The following KIF26B variants were observed in gnomAD, a reference collection of about 807,000 sequenced individuals.
KIF26B encodes kinesin family member 26B.
Under a neutral mutation model 151.2 loss-of-function variants are expected in KIF26B, and 63 were observed. The observed-to-expected ratio is 0.42, with a 90% confidence interval of 0.34 to 0.51. KIF26B has a LOEUF of 0.51. Among genes scored for constraint, KIF26B ranks in the 20% least tolerant of loss-of-function variants. KIF26B has a pLI of 0.07. For synonymous variants in KIF26B, 1,357 were observed against 1,262.1 expected, an observed-to-expected ratio of 1.08 and a Z score of -1.59; for missense variants, 2,813 against 2,913.6, an observed-to-expected ratio of 0.97 and a Z score of 0.79.
At chr1:245,197,162 T>C (rs969274288) in intron 2 of KIF26B, among the ~76,000 whole-genome samples, 1 of 152,320 alleles carries the variant, frequency 6.6e-6, no homozygotes, top group East Asian at 1.9e-4. Flanking sequence ...ATAACAACCT[T>C]CCACACTCAA....
chr1:245,268,082 G>A (rs1471923782), intron 2 of KIF26B, among the ~76,000 whole-genome samples: 1 of 152,138 alleles, frequency 6.6e-6, no homozygotes, highest in Admixed American at 6.5e-5. Flanking sequence ...GGGGGTGGAA[G>A]GATCACGTGA....
chr1:245,342,631 T>C (rs1672358140), intron 2 of KIF26B, among the ~76,000 whole-genome samples: 1 of 152,160 alleles, frequency 6.6e-6, no homozygotes, highest in Admixed American at 6.5e-5. Context: ...TGCTACAATT[T>C]CTGAGCAATC....
chr1:245,269,637 G>A (rs952117534), intron 2 of KIF26B, among the ~76,000 whole-genome samples: 2 of 151,738 alleles, frequency 1.3e-5, no homozygotes, highest in African/African-American at 4.8e-5. Context: ...GCTAATTTTT[G>A]TATTTTTAGT....
intron 2 of KIF26B, among the ~76,000 whole-genome samples, chr1:245,345,501 C>T (rs1316231576): frequency 4.6e-5 from 7 of 152,196 alleles, no homozygotes; most frequent in Non-Finnish European, 1.0e-4. Context: ...AAATTCCCCA[C>T]ACCCTCAGCG....
intron 2 of KIF26B, among the ~76,000 whole-genome samples, chr1:245,359,193 A>AT (rs1388787103): frequency 6.6e-6 from 1 of 151,812 alleles, no homozygotes; most frequent in African/African-American, 2.4e-5. Flanking sequence ...TAATTTTTGT[A>AT]TTTTTAGTAG....
chr1:245,575,155 G>T (rs146891210), intron 5 of KIF26B, among the ~76,000 whole-genome samples: 38 of 149,480 alleles, frequency 2.5e-4, no homozygotes, highest in African/African-American at 9.1e-4. Flanking sequence ...TCAAGCCACC[G>T]CGCCTGGCCT....
intron 2 of KIF26B, among the ~76,000 whole-genome samples, chr1:245,344,058 T>TTCCCTCCTTCCTCCCTGCCTCGCTGCC (rs1672389087): frequency 6.6e-6 from 1 of 151,124 alleles, no homozygotes; most frequent in Non-Finnish European, 1.5e-5. Context: ...TTTTCCTTCC[T>TTCCCTCCTTCCTCCCTGCCTCGCTGCC]TCCCTCCTTC....
At chr1:245,498,235 A>G (rs1182309845) in intron 4 of KIF26B, among the ~76,000 whole-genome samples, 1 of 152,090 alleles carries the variant, frequency 6.6e-6, no homozygotes, top group African/African-American at 2.4e-5. Context: ...TTTTAACCCA[A>G]TTTGCTTTAG....
intron 3 of KIF26B, among the ~76,000 whole-genome samples, chr1:245,399,434 C>A (rs1170128373): frequency 6.6e-6 from 1 of 152,170 alleles, no homozygotes; most frequent in Non-Finnish European, 1.5e-5. Context: ...TGATTTAAAT[C>A]ATACAAAAAC....
At chr1:245,294,373 C>T (rs1410783306) in intron 2 of KIF26B, among the ~76,000 whole-genome samples, 1 of 152,212 alleles carries the variant, frequency 6.6e-6, no homozygotes, top group African/African-American at 2.4e-5. Context: ...TTCCTCTGCG[C>T]AGTCCCATCT....
At chr1:245,173,987 G>A in intron 2 of KIF26B, among the ~76,000 whole-genome samples, 1 of 152,200 alleles carries the variant, frequency 6.6e-6, no homozygotes, top group East Asian at 1.9e-4. Context: ...TCATCACTAA[G>A]TAAACACATT....
intron 2 of KIF26B, among the ~76,000 whole-genome samples, chr1:245,320,409 C>G (rs1280070002): frequency 1.3e-5 from 2 of 152,224 alleles, no homozygotes; most frequent in Admixed American, 1.3e-4. Context: ...TCAGTTTCCC[C>G]TGTTATTAGC....
rs1273428094 is a variant in KIF26B at position 245,227,039 on chromosome 1, G to A, written c.465+70356G>A. Among the ~76,000 whole-genome samples, 1 of 152,080 alleles carries A rather than the reference G, an allele frequency of 6.6e-6. No individual in the cohort carries two copies. Among genetic ancestry groups the A allele is most frequent in the Non-Finnish European group, 1.5e-5 (1 of 68,028 alleles). On this transcript the variant is annotated intron_variant, in intron 2 of 14. Transcript: ENST00000407071. This position sits in a 1 kb window ranked among gnomAD's most constrained non-coding sequence, Gnocchi z 4.1. The stretch of plus-strand genomic sequence containing the variant: ...GCAGCTTGTTTCGAATGACCCACAG[G>A]GAATGGTGCACCATTCACTCAGTCC...
chr1:245,494,802 G>A (rs927535302), intron 4 of KIF26B, among the ~76,000 whole-genome samples: 6 of 152,092 alleles, frequency 3.9e-5, no homozygotes, highest in Non-Finnish European at 7.4e-5. Flanking sequence ...CATTTTGGGA[G>A]GCTGAGTTGG....
At chr1:245,574,213 G>A (rs755010713) in intron 5 of KIF26B, among the ~76,000 whole-genome samples, 10 of 152,078 alleles carry the variant, frequency 6.6e-5, no homozygotes, top group Admixed American at 3.9e-4. Flanking sequence ...GCGTGATCTC[G>A]GCTCACTGCA....
chr1:245,585,575 A>G (rs535970592), intron 5 of KIF26B, among the ~76,000 whole-genome samples: 9 of 152,102 alleles, frequency 5.9e-5, no homozygotes, highest in Admixed American at 5.2e-4. Context: ...CTCCCTAGCT[A>G]CCTCCAGTAT....
chr1:245,507,004 C>T (rs1474177995), intron 4 of KIF26B, among the ~76,000 whole-genome samples: 3 of 152,162 alleles, frequency 2.0e-5, no homozygotes, highest in Non-Finnish European at 4.4e-5. Flanking sequence ...ATAAGACCCT[C>T]AGTATTGGTC....
At chr1:245,481,348 A>G (rs1372572943) in intron 4 of KIF26B, among the ~76,000 whole-genome samples, 1 of 151,868 alleles carries the variant, frequency 6.6e-6, no homozygotes, top group African/African-American at 2.4e-5. Flanking sequence ...GTTTCAGTCA[A>G]TCTGTCTAGA....
In KIF26B at chr1:245,560,308, C is replaced by T. The variant is rs984276427; in HGVS notation, c.1350+19358C>T. Among the ~76,000 whole-genome samples the T allele has an allele frequency of 2.0e-5, 3 of 152,160 alleles. No individual in the cohort carries two copies. The highest frequency in any genetic ancestry group is 6.5e-5 in the Admixed American group (1 of 15,282). The stretch of plus-strand genomic sequence containing the variant: ...CCCAGATACCCTCCAGACATAGGTC[C>T]GGCCTCTCAGGAGTTTTCATTCTCC... On this transcript the variant is annotated intron_variant, in intron 5 of 14. Transcript: ENST00000407071. The surrounding 1 kb of genome is among the most constrained non-coding windows in gnomAD (Gnocchi z 4.3).
Sources: allele counts gnomAD v4.1 joint callset (sites outside exome capture counted in the v4.1 genomes callset), GRCh38; gene constraint gnomAD v4.1.1; non-coding constraint Gnocchi (gnomAD v3.1); transcripts MANE v1.5; gene names NCBI Gene and HGNC (gene_info 2026-07-23, HGNC 2026-07-21).